GCLC: variants seen among roughly 807,000 people sequenced by gnomAD.
GCLC encodes glutamate-cysteine ligase catalytic subunit.
In GCLC, 30 loss-of-function variants were observed where a neutral mutation model predicts 81.5. The observed-to-expected ratio is 0.37, with a 90% CI of 0.28 to 0.50. The LOEUF (loss-of-function observed/expected upper bound fraction) is 0.50, where lower values mean the gene tolerates loss of function less well. Ranked by LOEUF, GCLC falls within the 20% of genes least tolerant of loss-of-function variation. The pLI is 0.96. For synonymous variants in GCLC, 262 were observed against 273.3 expected (o/e 0.96, Z 0.41); for missense variants, 556 against 777.4 (o/e 0.72, Z 3.39).
intron 1 of GCLC, among the ~76,000 whole-genome samples, chr6:53,539,590 C>T (rs543942688): frequency 6.7e-5 from 10 of 148,810 alleles, no homozygotes; most frequent in Non-Finnish European, 1.5e-4. Context: ...ATACCTATGG[C>T]GCGTTTTAAG....
intron 7 of GCLC, among the ~76,000 whole-genome samples, 178 bp from the exon 8 acceptor site, chr6:53,508,889 G>C (rs1182076483): frequency 6.6e-6 from 1 of 152,226 alleles, no homozygotes; most frequent in Non-Finnish European, 1.5e-5. Flanking sequence ...CCTTGGGTTT[G>C]ATTCACTTAA....
chr6:53,509,760 C>G (rs1011777836), intron 6 of GCLC: 4 of 172,122 alleles, frequency 2.3e-5, no homozygotes, highest in African/African-American at 9.6e-5. Flanking sequence ...GCCATTCTTC[C>G]GCCTCAGCCT....
At chr6:53,512,767 T>C (rs1217742980) in intron 6 of GCLC, among the ~76,000 whole-genome samples, 1 of 152,196 alleles carries the variant, frequency 6.6e-6, no homozygotes, top group African/African-American at 2.4e-5. Flanking sequence ...ACATACAGTG[T>C]TTCAGTGGAA....
Position 53,516,159 on chromosome 6 carries a change from G to A in GCLC, c.510C>T (p.Ser170=). Residue 170 remains serine, a synonymous_variant, in exon 4 of 16, where the codon TCC becomes TCT. Coordinates refer to ENST00000650454, the MANE Select transcript of GCLC (RefSeq NM_001498.4). ...CTTCATCTGGAAAGAAGAGGGACTT[G>A]GAAGCTCCTCCTTCCACTGGGTTGG... ...VKPNPVEGGA[S]KSLFFPDEAI... is the part of the protein sequence containing the mutation. The A allele has an allele frequency of 6.2e-7, 1 of 1,613,766 alleles. No homozygotes were observed. Among genetic ancestry groups the A allele is most frequent in the Non-Finnish European group, 8.5e-7 (1 of 1,179,692 alleles).
chr6:53,500,468 G>T lies in GCLC; in HGVS notation c.1441C>A (p.Gln481Lys), dbSNP rs753757434. 4.3e-6 allele frequency: 7 copies of T among 1,611,890 alleles called. No homozygotes were observed. Among genetic ancestry groups the T allele is most frequent in the Admixed American group, 1.7e-5 (1 of 59,990 alleles). The change falls in exon 13 of 16, where the codon CAG becomes AAG. Residue 481 changes from glutamine to lysine, a missense_variant. Around this residue, in one of 3 missense-constraint regions of GCLC, gnomAD observed 313 missense variants for 437.3 expected, o/e 0.72. Transcript: ENST00000650454. ...TCTTTCCTGAAATAAAACATTCCCT[G>T]CAAGACAGCATCTCTTTTCTGTGCT... ...KVAQKRDAVLQGMFYFRKDIC... is the reference protein window; with the variant it reads ...KVAQKRDAVLKGMFYFRKDIC...
chr6:53,497,389 C>CA lies in GCLC; in HGVS notation c.*1366dup, dbSNP rs1418641859. ...TTCTTTTATTTCCTCATACCACAAA[C>CA]ATTTCAATTTATCTGCCTTTTTACA... is the stretch of plus-strand genomic sequence containing the variant. On this transcript the variant is annotated 3_prime_UTR_variant, in exon 16 of 16. Coordinates refer to ENST00000650454, the MANE Select transcript of GCLC (RefSeq NM_001498.4). 36 of 152,350 alleles carry CA rather than the reference C, an allele frequency of 2.4e-4. No individual in the cohort carries two copies. Among genetic ancestry groups the CA allele is most frequent in the Admixed American group, 2.0e-3 (31 of 15,294 alleles). The allele number at this position is 152,350 out of a possible 1,614,324, so 9.4% of individuals were successfully genotyped here.
rs554797276 is a variant in GCLC at position 53,499,348 on chromosome 6, T to C, written c.1703-381A>G. ...GTCATGAGACTGCCTCAGAGGACTG[T>C]AGGGTCCTTGAGCGATCTTTGATCA... On this transcript the variant is annotated intron_variant, in intron 15 of 15. Coordinates refer to ENST00000650454, the MANE Select transcript of GCLC (RefSeq NM_001498.4). Among the ~76,000 whole-genome samples the C allele has an allele frequency of 3.3e-5, 5 of 152,272 alleles. No individual in the cohort carries two copies. The South Asian group carries it at 6.2e-4, about 19-fold the overall frequency.
At position 53,506,081 on chromosome 6, in the gene GCLC, G is replaced by C; in HGVS notation, c.1198-186C>G. The stretch of plus-strand genomic sequence containing the variant: ...TCTTTTAGGAAAACAAAACAGCCAA[G>C]TGTTTAACAAAAGCTATGAGGCCCT... On this transcript the variant is annotated intron_variant, in intron 10 of 15. Transcript: ENST00000650454. The surrounding 1 kb of genome is among the most constrained non-coding windows in gnomAD (Gnocchi z 4.0). 1.4e-5 allele frequency: 8 copies of C among 589,126 alleles called. No individual in the cohort carries two copies. In the South Asian group the frequency reaches 1.4e-4, roughly 11 times the overall value. 36.5% of individuals were successfully genotyped at this position (589,126 alleles called of 1,614,324 possible). A position where few individuals can be genotyped will look rare whatever the true frequency, so the allele number is the denominator to read the frequency against.
intron 2 of GCLC, among the ~76,000 whole-genome samples, chr6:53,521,834 C>A (rs560357499): frequency 6.6e-6 from 1 of 152,126 alleles, no homozygotes; most frequent in South Asian, 2.1e-4. Context: ...ATTAGCCAGG[C>A]GTGGTGGCGG....
intron 4 of GCLC, among the ~76,000 whole-genome samples, chr6:53,514,884 C>T (rs1156654142): frequency 6.6e-6 from 1 of 152,244 alleles, no homozygotes; most frequent in Non-Finnish European, 1.5e-5. Flanking sequence ...CCAGGCATCT[C>T]TGGAGCCCCA....
intron 1 of GCLC, among the ~76,000 whole-genome samples, chr6:53,538,875 C>T (rs1212570904): frequency 6.6e-6 from 1 of 152,166 alleles, no homozygotes; most frequent in African/African-American, 2.4e-5. Context: ...TTTTCTGACC[C>T]TCTACAACCT....
intron 6 of GCLC, among the ~76,000 whole-genome samples, chr6:53,511,900 G>GGT (rs1764755032): frequency 1.3e-4 from 1 of 7,734 alleles, no homozygotes; most frequent in Non-Finnish European, 2.7e-4. Context: ...ACATGACTTT[G>GGT]GGGGGGGGGG....
At chr6:53,515,562 T>C (rs895104417) in intron 4 of GCLC, among the ~76,000 whole-genome samples, 1 of 152,238 alleles carries the variant, frequency 6.6e-6, no homozygotes, top group African/African-American at 2.4e-5. Context: ...GGATGACAGA[T>C]GAGCATGCAT....
At chr6:53,536,128 C>T (rs1763252858) in intron 1 of GCLC, among the ~76,000 whole-genome samples, 2 of 152,258 alleles carry the variant, frequency 1.3e-5, no homozygotes, top group African/African-American at 4.8e-5. Flanking sequence ...ACACATGTAA[C>T]AACATGGATG....
intron 1 of GCLC, among the ~76,000 whole-genome samples, chr6:53,534,981 G>A (rs931680400): frequency 1.3e-5 from 2 of 152,150 alleles, no homozygotes; most frequent in African/African-American, 4.8e-5. Context: ...TAAAATTCAC[G>A]TGGAAATTCA....
At chr6:53,537,392 T>C (rs549673251) in intron 1 of GCLC, among the ~76,000 whole-genome samples, 5 of 152,374 alleles carry the variant, frequency 3.3e-5, no homozygotes, top group Middle Eastern at 3.4e-3. Context: ...CTATGACCTA[T>C]AGAAGGAACC....
At chr6:53,525,897 C>G (rs563374560) in intron 1 of GCLC, among the ~76,000 whole-genome samples, 31 of 152,082 alleles carry the variant, frequency 2.0e-4, no homozygotes, top group Non-Finnish European at 3.4e-4. Context: ...GGAGAAGAGA[C>G]CCAATAAAAA....
intron 1 of GCLC, among the ~76,000 whole-genome samples, chr6:53,536,059 C>T (rs961627200): frequency 6.6e-6 from 1 of 152,008 alleles, no homozygotes; most frequent in African/African-American, 2.4e-5. Context: ...AATGTATAAA[C>T]AAACTGGTAT....
rs554377960 is a variant in GCLC at position 53,521,023 on chromosome 6, G to C, written c.264-63C>G. 2.3e-6 allele frequency: 3 copies of C among 1,326,260 alleles called. No individual in the cohort carries two copies. The African/African-American group carries it at 4.3e-5, about 19-fold the overall frequency. The allele number at this position is 1,326,260 out of a possible 1,614,324, so 82.2% of individuals were successfully genotyped here. A position where few individuals can be genotyped will look rare whatever the true frequency, so the allele number is the denominator to read the frequency against. ...TTGCTATAGTCTGCTCAATTTTTAA[G>C]TTTTTAAAGTTGCTTTAAAAGTGTA... On this transcript the variant is annotated intron_variant, in intron 2 of 15. Transcript: ENST00000650454.
Sources: gnomAD v4.1 joint callset for allele counts (sites outside exome capture counted in the v4.1 genomes callset) on GRCh38, gnomAD v4.1.1 for gene constraint, gnomAD v4.1.1 regional missense constraint, Gnocchi (gnomAD v3.1) non-coding constraint, MANE v1.5 for transcripts, NCBI Gene and HGNC (gene_info 2026-07-23, HGNC 2026-07-21) for gene names.